LINGO2: variants seen among roughly 807,000 people sequenced by gnomAD.
LINGO2 encodes leucine rich repeat and Ig domain containing 2.
Under a neutral mutation model 30.6 loss-of-function variants are expected in LINGO2, and 14 were observed. That is an observed-to-expected ratio of 0.46 (90% CI 0.30 to 0.72). The LOEUF is 0.72. Ranked by LOEUF, LINGO2 falls within the 30% of genes least tolerant of loss-of-function variation. The probability of loss-of-function intolerance (pLI) is 0.07; values close to 1 mark genes in which losing one functional copy is unlikely to be tolerated. For missense variants in LINGO2, 729 were observed against 751.7 expected (o/e 0.97, Z 0.35); for synonymous variants, 317 against 288.5 (o/e 1.10, Z -1.00).
intron 4 of LINGO2, among the ~76,000 whole-genome samples, chr9:28,073,190 G>A (rs1038903713): frequency 2.0e-4 from 31 of 152,018 alleles, no homozygotes; most frequent in Admixed American, 7.9e-4. Flanking sequence ...CTGACGGGAT[G>A]GAGAAGGGCG....
At chr9:29,100,101 T>C in the LINGO2 span, among the ~76,000 whole-genome samples, 6 of 152,290 alleles carry the variant, frequency 3.9e-5, no homozygotes, top group African/African-American at 1.2e-4. Context: ...CTGGAGATTA[T>C]TATGCTAAGT....
the LINGO2 span, among the ~76,000 whole-genome samples, chr9:28,831,656 G>A: frequency 2.6e-5 from 4 of 152,066 alleles, no homozygotes; most frequent in African/African-American, 9.7e-5. Context: ...ATAGCAGAAT[G>A]AATAAAGCAG....
intron 4 of LINGO2, among the ~76,000 whole-genome samples, chr9:28,042,016 T>C (rs1824219553): frequency 6.7e-6 from 1 of 148,642 alleles, no homozygotes; most frequent in Admixed American, 6.6e-5. Flanking sequence ...GGCAAGTAAC[T>C]GAACTTCTAG....
At chr9:28,227,214 G>T (rs1023475817) in intron 4 of LINGO2, among the ~76,000 whole-genome samples, 9 of 152,066 alleles carry the variant, frequency 5.9e-5, no homozygotes, top group Non-Finnish European at 1.3e-4. Flanking sequence ...ATAGGAGCTG[G>T]CAGAACAAGA....
At chr9:29,030,546 G>A in the LINGO2 span, among the ~76,000 whole-genome samples, 1 of 151,962 alleles carries the variant, frequency 6.6e-6, no homozygotes, top group Admixed American at 6.6e-5. Context: ...TATCTTTCAT[G>A]ACCATGACAC....
the LINGO2 span, among the ~76,000 whole-genome samples, chr9:28,960,035 T>C: frequency 1.3e-5 from 2 of 152,100 alleles, no homozygotes; most frequent in African/African-American, 4.8e-5. Flanking sequence ...CATAAGTGAG[T>C]TAGGTTGTTC....
chr9:29,082,757 C>G, the LINGO2 span, among the ~76,000 whole-genome samples: 1 of 152,086 alleles, frequency 6.6e-6, no homozygotes, highest in East Asian at 1.9e-4. Flanking sequence ...TCAAACCCAT[C>G]AACAAGTGGG....
At chr9:28,810,882 G>A in the LINGO2 span, among the ~76,000 whole-genome samples, 1 of 151,910 alleles carries the variant, frequency 6.6e-6, no homozygotes, top group Non-Finnish European at 1.5e-5. Flanking sequence ...ACATCCTCTG[G>A]TGAACCTCTA....
At chr9:29,125,448 T>C in the LINGO2 span, among the ~76,000 whole-genome samples, 4 of 150,908 alleles carry the variant, frequency 2.7e-5, no homozygotes, top group African/African-American at 4.9e-5. Flanking sequence ...TATATATACA[T>C]AGTTTAATAA....
Position 28,220,745 on chromosome 9 carries a change from T to C in LINGO2, c.-87+74463A>G, listed in dbSNP as rs138342299. 3.0e-4 allele frequency among the ~76,000 whole-genome samples: 46 copies of C among 152,226 alleles called. No individual in the cohort carries two copies. The East Asian group carries it at 8.7e-3, about 29-fold the overall frequency. On this transcript the variant is annotated intron_variant, in intron 4 of 5. Coordinates refer to ENST00000379992, the Ensembl canonical transcript of LINGO2. Reference sequence around the variant, plus strand: ...ATCAAATCACCAGATATATCAGAAATGCCTACCATCGGTCTCCAGAAAAAT... The same window carrying C: ...ATCAAATCACCAGATATATCAGAAACGCCTACCATCGGTCTCCAGAAAAAT...
intron 4 of LINGO2, among the ~76,000 whole-genome samples, chr9:28,157,076 G>A (rs1319405184): frequency 6.6e-6 from 1 of 152,176 alleles, no homozygotes; most frequent in East Asian, 1.9e-4. Flanking sequence ...CCACTAGGTG[G>A]TGCCCCAATA....
intron 2 of LINGO2, among the ~76,000 whole-genome samples, chr9:28,436,786 G>A (rs1191635366): frequency 2.0e-5 from 3 of 152,140 alleles, no homozygotes; most frequent in Non-Finnish European, 2.9e-5. Context: ...GCGTGTCGGG[G>A]TATAGAGAAA....
the LINGO2 span, among the ~76,000 whole-genome samples, chr9:28,758,495 T>C: frequency 6.6e-6 from 1 of 152,122 alleles, no homozygotes. Context: ...TAAAGCCTGT[T>C]ACTAAACCAA....
At chr9:28,594,896 G>A (rs1028623740) in intron 1 of LINGO2, among the ~76,000 whole-genome samples, 3 of 152,004 alleles carry the variant, frequency 2.0e-5, no homozygotes, top group African/African-American at 7.2e-5. Context: ...GTGTGAAATG[G>A]CACTGGAGAT....
At chr9:28,703,391 T>C in the LINGO2 span, among the ~76,000 whole-genome samples, 1 of 151,924 alleles carries the variant, frequency 6.6e-6, no homozygotes, top group Non-Finnish European at 1.5e-5. Flanking sequence ...TATTTAGACG[T>C]GTGTTGTTTA....
chr9:29,084,523 G>C, the LINGO2 span, among the ~76,000 whole-genome samples: 1 of 151,968 alleles, frequency 6.6e-6, no homozygotes, highest in Non-Finnish European at 1.5e-5. Flanking sequence ...CATTAGGACA[G>C]GTTTTTCCTT....
intron 4 of LINGO2, among the ~76,000 whole-genome samples, chr9:28,136,986 T>C (rs974927543): frequency 6.6e-6 from 1 of 152,132 alleles, no homozygotes; most frequent in African/African-American, 2.4e-5. Flanking sequence ...GGTCTTCTCC[T>C]GCCTTCAGAC....
At chr9:27,942,639 GTTA>G in the LINGO2 span, 4 of 152,000 alleles carry the variant, frequency 2.6e-5, no homozygotes, top group African/African-American at 9.7e-5. Context: ...TAGGTTCTTG[GTTA>G]TTAACTTTCA....
the LINGO2 span, among the ~76,000 whole-genome samples, chr9:28,971,783 C>T: frequency 7.2e-3 from 1,099 of 152,336 alleles, 22 homozygotes; most frequent in African/African-American, 0.025. Flanking sequence ...TGTAGAGCTC[C>T]AGGACCTTGA....
Sources: gnomAD v4.1 joint callset for allele counts (sites outside exome capture counted in the v4.1 genomes callset) on GRCh38, gnomAD v4.1.1 for gene constraint, MANE v1.5 for transcripts, NCBI Gene and HGNC (gene_info 2026-07-23, HGNC 2026-07-21) for gene names.